The following GIGYF2 variants were observed in gnomAD, a reference collection of about 807,000 sequenced individuals.
GIGYF2 encodes the protein GRB10 interacting GYF protein 2, also known as GRB10-interacting GYF protein 2.
A neutral mutation model predicts 208.1 loss-of-function variants in GIGYF2; 25 were observed. That is an observed-to-expected ratio of 0.12 (90% confidence interval 0.09 to 0.17). The LOEUF is 0.17. GIGYF2 is among the 10% of genes least tolerant of loss of function. The pLI is 1.00. For synonymous variants in GIGYF2, 534 were observed against 543.8 expected, an observed-to-expected ratio of 0.98 and a Z score of 0.25; for missense variants, 1,302 against 1,579.4, an observed-to-expected ratio of 0.82 and a Z score of 2.98.
chr2:232,761,317 A>C, intron 7 of GIGYF2, 79 bp from the exon 8 acceptor site: 1 of 887,364 alleles, frequency 1.1e-6, no homozygotes, highest in Non-Finnish European at 1.9e-6. Context: ...GCTTTTAGAA[A>C]AATGGGAAAG....
intron 2 of GIGYF2, among the ~76,000 whole-genome samples, chr2:232,706,683 CAG>C (rs1696127315): frequency 6.6e-6 from 1 of 152,008 alleles, no homozygotes; most frequent in African/African-American, 2.4e-5. Flanking sequence ...GAGGCTGAGA[CAG>C]AACATAATCT....
intron 21 of GIGYF2, among the ~76,000 whole-genome samples, chr2:232,820,497 G>A (rs1041861268): frequency 1.3e-5 from 2 of 151,754 alleles, no homozygotes; most frequent in Admixed American, 6.6e-5. Context: ...TGTATTTTTA[G>A]TAGAGACGGG....
chr2:232,758,600 T>A (rs1364799512), intron 6 of GIGYF2, among the ~76,000 whole-genome samples: 1 of 152,194 alleles, frequency 6.6e-6, no homozygotes, highest in Non-Finnish European at 1.5e-5. Context: ...TAGAACCTGA[T>A]CGTTGTAGTA....
chr2:232,747,940 C>T (rs1385843073), intron 4 of GIGYF2, among the ~76,000 whole-genome samples, 196 bp downstream of exon 4: 1 of 152,186 alleles, frequency 6.6e-6, no homozygotes, highest in African/African-American at 2.4e-5. Context: ...ATATTTTAGG[C>T]AGCTTCATGG....
chr2:232,783,391 T>A (rs1041590280), intron 8 of GIGYF2, among the ~76,000 whole-genome samples: 1 of 152,178 alleles, frequency 6.6e-6, no homozygotes, highest in African/African-American at 2.4e-5. Flanking sequence ...ATTTATTTTT[T>A]AATTATTTTG....
chr2:232,771,462 T>C (rs746396840), intron 8 of GIGYF2: 10 of 842,260 alleles, frequency 1.2e-5, no homozygotes, highest in East Asian at 2.6e-5. Flanking sequence ...ACTTTCTGCT[T>C]TCTTGGGAAT....
intron 2 of GIGYF2, among the ~76,000 whole-genome samples, chr2:232,715,581 A>G (rs9973484): frequency 0.31 from 44,424 of 141,952 alleles, 6,670 homozygotes; most frequent in African/African-American, 0.36. Flanking sequence ...GCTTTCTGGG[A>G]AAAAAAAAAA....
rs546900968 is a variant in GIGYF2, at chr2:232,756,472, T to A, written c.379+138T>A. On this transcript the variant is annotated intron_variant, in intron 6 of 28. Coordinates refer to ENST00000373563, the MANE Select transcript of GIGYF2 (RefSeq NM_001103146.3). Reference sequence around the variant, plus strand: ...GCATACTAAATGTCCTGAATATTTATATTCAGAACCATTTTTTAGAGGTAT... The same window carrying A: ...GCATACTAAATGTCCTGAATATTTAAATTCAGAACCATTTTTTAGAGGTAT... 10 of 554,854 alleles carry A rather than the reference T, an allele frequency of 1.8e-5. No individual in the cohort carries two copies. The South Asian group carries it at 2.8e-4, about 16-fold the overall frequency. 34.4% of individuals were successfully genotyped at this position (554,854 alleles called of 1,614,324 possible).
chr2:232,712,321 G>A (rs1311063293), intron 2 of GIGYF2, among the ~76,000 whole-genome samples: 1 of 152,182 alleles, frequency 6.6e-6, no homozygotes, highest in African/African-American at 2.4e-5. Flanking sequence ...ACATGACTTT[G>A]TATGCAGTAG....
At chr2:232,793,900 T>C (rs1700143909) in intron 12 of GIGYF2, among the ~76,000 whole-genome samples, 1 of 152,196 alleles carries the variant, frequency 6.6e-6, no homozygotes. Context: ...AAAGTCATTG[T>C]ATTTGGCAAC....
Position 232,778,312 on chromosome 2 carries a change from G to T in GIGYF2, c.533-8838G>T, listed in dbSNP as rs116153539. On this transcript the variant is annotated intron_variant, in intron 8 of 28. Coordinates refer to ENST00000373563, the MANE Select transcript of GIGYF2 (RefSeq NM_001103146.3). ...AAAGTCTTTTTCCATAGTATACTTGGTTTCAATATATTGAGACAAAAATGA... is the reference window on the plus strand; with the variant it reads ...AAAGTCTTTTTCCATAGTATACTTGTTTTCAATATATTGAGACAAAAATGA... Among the ~76,000 whole-genome samples, 780 of 152,236 alleles carry T rather than the reference G, an allele frequency of 5.1e-3. 4 individuals carry two copies. The highest frequency in any genetic ancestry group is 0.018 in the African/African-American group (755 of 41,526).
intron 3 of GIGYF2, chr2:232,735,558 A>G (rs1348448236): frequency 9.0e-6 from 3 of 333,230 alleles, no homozygotes; most frequent in Non-Finnish European, 1.4e-5. Flanking sequence ...TAATTATAAC[A>G]TTTTTATGTC....
chr2:232,856,778 G>GC lies in GIGYF2; in HGVS notation c.3833-15_3833-14insC. On this transcript the variant is annotated splice_polypyrimidine_tract_variant and intron_variant, in intron 28 of 28. Transcript: ENST00000373563. The stretch of plus-strand genomic sequence containing the variant: ...GCCTGGGTGTGGTCACTCATAGCCA[G>GC]TTTTTTTTCTGCAGGATTTTCAGTC... The GC allele has an allele frequency of 6.3e-7, 1 of 1,586,784 alleles. No individual in the cohort carries two copies. The highest frequency in any genetic ancestry group is 8.7e-7 in the Non-Finnish European group (1 of 1,155,388).
intron 2 of GIGYF2, among the ~76,000 whole-genome samples, chr2:232,726,801 T>C (rs1697221998): frequency 1.3e-5 from 2 of 152,334 alleles, no homozygotes; most frequent in South Asian, 4.1e-4. Flanking sequence ...TTAGGTGAAC[T>C]TCAATTTTCT....
At chr2:232,699,829 A>G (rs1011780262) in intron 1 of GIGYF2, among the ~76,000 whole-genome samples, 23 of 152,214 alleles carry the variant, frequency 1.5e-4, no homozygotes, top group Non-Finnish European at 3.2e-4. Flanking sequence ...TCCAGCCCGG[A>G]GACTCTTCCT....
chr2:232,735,037 A>G (rs1697675867), intron 2 of GIGYF2, 118 bp from the exon 3 acceptor site: 1 of 626,816 alleles, frequency 1.6e-6, no homozygotes, highest in African/African-American at 1.8e-5. Context: ...TCAAAATCTC[A>G]TTTTTGTGAC....
intron 22 of GIGYF2, among the ~76,000 whole-genome samples, chr2:232,835,718 C>T (rs980653255): frequency 6.6e-6 from 1 of 152,278 alleles, no homozygotes; most frequent in Middle Eastern, 3.4e-3. Flanking sequence ...CTTGCTCTTG[C>T]CCATGTTGGG....
At chr2:232,744,282 A>G (rs1380558228) in intron 3 of GIGYF2, among the ~76,000 whole-genome samples, 1 of 152,206 alleles carries the variant, frequency 6.6e-6, no homozygotes, top group East Asian at 1.9e-4. Context: ...TGAAGAAATT[A>G]GGAATGTTAG....
chr2:232,838,337 G>A (rs1701715488), intron 22 of GIGYF2, among the ~76,000 whole-genome samples: 1 of 152,034 alleles, frequency 6.6e-6, no homozygotes, highest in Non-Finnish European at 1.5e-5. Flanking sequence ...GAGAGAAATA[G>A]GGAGTCAGGC....
Sources: allele counts gnomAD v4.1 joint callset (sites outside exome capture counted in the v4.1 genomes callset), GRCh38; gene constraint gnomAD v4.1.1; transcripts MANE v1.5; gene names NCBI Gene and HGNC (gene_info 2026-07-23, HGNC 2026-07-21).